Variants in CCBE1 observed in about 807,000 individuals in gnomAD.
CCBE1 encodes collagen and calcium-binding EGF domain-containing protein 1.
In CCBE1, 37 loss-of-function variants were observed where a neutral mutation model predicts 50.0. That is an observed-to-expected ratio of 0.74 (90% confidence interval 0.57 to 0.97). CCBE1 has a LOEUF of 0.97. CCBE1 is among the 50% of genes least tolerant of loss of function. The probability of loss-of-function intolerance (pLI) is 0.00; values close to 1 mark genes in which losing one functional copy is unlikely to be tolerated. For synonymous variants in CCBE1, 234 were observed against 203.7 expected (o/e 1.15, Z -1.27); for missense variants, 538 against 523.8 (o/e 1.03, Z -0.26).
chr18:59,481,174 A>G (rs1912553096), intron 2 of CCBE1, among the ~76,000 whole-genome samples: 1 of 152,242 alleles, frequency 6.6e-6, no homozygotes, highest in Admixed American at 6.5e-5. Context: ...GAACTGACAA[A>G]TAGATCTGAA....
intron 2 of CCBE1, among the ~76,000 whole-genome samples, chr18:59,687,193 G>C (rs558442649): frequency 1.4e-4 from 21 of 152,214 alleles, no homozygotes; most frequent in Admixed American, 1.4e-3. Flanking sequence ...CCACAGTGTG[G>C]TCTGTGCTGG....
At chr18:59,555,755 A>G (rs936419224) in intron 2 of CCBE1, among the ~76,000 whole-genome samples, 2 of 152,166 alleles carry the variant, frequency 1.3e-5, no homozygotes, top group African/African-American at 2.4e-5. Flanking sequence ...AGAGGTTTAA[A>G]ATAAATGCTG....
chr18:59,434,711 T>C lies in CCBE1; in HGVS notation c.*1197A>G, dbSNP rs1910076202. 1 of 152,044 alleles carries C rather than the reference T, an allele frequency of 6.6e-6. No homozygotes were observed. The highest frequency in any genetic ancestry group is 1.9e-4 in the East Asian group (1 of 5,190). 9.4% of individuals were successfully genotyped at this position (152,044 alleles called of 1,614,324 possible). On this transcript the variant is annotated 3_prime_UTR_variant, in exon 11 of 11. Coordinates refer to ENST00000439986, the MANE Select transcript of CCBE1 (RefSeq NM_133459.4). Reference sequence around the variant, plus strand: ...AAAGAAAATTAAGAAAAAATGAGAATAGGAAGGAAGTTTTTGCAAACAAGG... The same window carrying C: ...AAAGAAAATTAAGAAAAAATGAGAACAGGAAGGAAGTTTTTGCAAACAAGG...
rs1396973961 is a variant in CCBE1 at position 59,493,147 on chromosome 18, G to A, written c.213-12909C>T. Among the ~76,000 whole-genome samples, 5 of 152,322 alleles carry A rather than the reference G, an allele frequency of 3.3e-5. No individual in the cohort carries two copies. In the East Asian group the frequency reaches 9.7e-4, roughly 29 times the overall value. On this transcript the variant is annotated intron_variant, in intron 2 of 10. Coordinates refer to ENST00000439986, the MANE Select transcript of CCBE1 (RefSeq NM_133459.4). ...AGAAATTAATGGGACAGTCTTAAAG[G>A]AGAGAGTTTCACTTGTAATGACTTT... is the stretch of plus-strand genomic sequence containing the variant.
chr18:59,534,411 T>C (rs1331342416), intron 2 of CCBE1, among the ~76,000 whole-genome samples: 2 of 152,222 alleles, frequency 1.3e-5, no homozygotes, highest in African/African-American at 4.8e-5. Context: ...GCATGAAGAA[T>C]ATAGAAGTCA....
At chr18:59,693,667 C>A (rs1340508182) in intron 2 of CCBE1, among the ~76,000 whole-genome samples, 2 of 152,082 alleles carry the variant, frequency 1.3e-5, no homozygotes, top group African/African-American at 4.8e-5. Flanking sequence ...ATCAAGTCTG[C>A]AAACTGAGAC....
At chr18:59,572,445 G>A (rs932778677) in intron 2 of CCBE1, among the ~76,000 whole-genome samples, 32 of 152,116 alleles carry the variant, frequency 2.1e-4, no homozygotes, top group Non-Finnish European at 4.3e-4. Flanking sequence ...TTAAAACCAT[G>A]TGAAATGGCA....
chr18:59,644,965 G>T (rs983236289), intron 2 of CCBE1, among the ~76,000 whole-genome samples: 1 of 152,104 alleles, frequency 6.6e-6, no homozygotes, highest in African/African-American at 2.4e-5. Flanking sequence ...CCATCAAAAC[G>T]CTACCCTTGG....
At chr18:59,645,821 G>A (rs1011373869) in intron 2 of CCBE1, among the ~76,000 whole-genome samples, 4 of 152,172 alleles carry the variant, frequency 2.6e-5, no homozygotes, top group African/African-American at 9.6e-5. Flanking sequence ...CACAAGATCA[G>A]GAGATCGAGA....
intron 2 of CCBE1, among the ~76,000 whole-genome samples, chr18:59,545,963 A>G (rs147611321): frequency 8.5e-4 from 129 of 152,296 alleles, no homozygotes; most frequent in African/African-American, 3.1e-3. Context: ...AAATGAACTA[A>G]TACAATCAAC....
intron 5 of CCBE1, among the ~76,000 whole-genome samples, chr18:59,461,446 CTCTA>C (rs1911470479): frequency 6.9e-6 from 1 of 145,332 alleles, no homozygotes; most frequent in African/African-American, 2.9e-5. Context: ...AATTGCTTCC[CTCTA>C]CCCTTCTCTC....
At chr18:59,527,870 C>T (rs4940889) in intron 2 of CCBE1, among the ~76,000 whole-genome samples, 41,978 of 151,868 alleles carry the variant, frequency 0.28, 5,955 homozygotes, top group African/African-American at 0.33. Flanking sequence ...ATGGGCTTCT[C>T]CTGTAGGTGA....
intron 2 of CCBE1, among the ~76,000 whole-genome samples, chr18:59,615,364 C>T (rs772283657): frequency 1.1e-4 from 16 of 152,180 alleles, no homozygotes; most frequent in Non-Finnish European, 1.8e-4. Context: ...CATGCTCATT[C>T]GCGCTGCGTA....
chr18:59,686,592 A>G (rs1193239117), intron 2 of CCBE1, among the ~76,000 whole-genome samples: 1 of 152,196 alleles, frequency 6.6e-6, no homozygotes, highest in South Asian at 2.1e-4. Context: ...TTGTATATCC[A>G]TCTTTGGTTC....
chr18:59,600,499 G>A (rs748245445), intron 2 of CCBE1, among the ~76,000 whole-genome samples: 15 of 152,124 alleles, frequency 9.9e-5, no homozygotes, highest in Non-Finnish European at 1.9e-4. Context: ...CTGGTCTGTG[G>A]AAAAATTGTC....
rs80083442 is a variant in CCBE1, at chr18:59,507,188, G to T, written c.213-26950C>A. Among the ~76,000 whole-genome samples the T allele has an allele frequency of 4.3e-4, 65 of 152,250 alleles. No individual in the cohort carries two copies. The East Asian group carries it at 0.01, about 23-fold the overall frequency. On this transcript the variant is annotated intron_variant, in intron 2 of 10. Transcript: ENST00000439986. ...TCTTTCCAAAACCAACATCCTCCTT[G>T]CAATTGCTCATCTCATTCCCCTAAA...
chr18:59,500,792 T>C (rs1282565132), intron 2 of CCBE1, among the ~76,000 whole-genome samples: 2 of 152,208 alleles, frequency 1.3e-5, no homozygotes, highest in African/African-American at 4.8e-5. Flanking sequence ...ACTCAGGACC[T>C]GCTGCCCTTC....
At chr18:59,675,613 C>T (rs1002827036) in intron 2 of CCBE1, among the ~76,000 whole-genome samples, 3 of 151,830 alleles carry the variant, frequency 2.0e-5, no homozygotes, top group Admixed American at 1.3e-4. Context: ...TGTGAACGTA[C>T]AAGCATTACT....
At chr18:59,578,782 A>C (rs1358343622) in intron 2 of CCBE1, among the ~76,000 whole-genome samples, 1 of 152,180 alleles carries the variant, frequency 6.6e-6, no homozygotes, top group Non-Finnish European at 1.5e-5. Context: ...GGAGTATCAC[A>C]CACCAGGGCC....
Sources: allele counts gnomAD v4.1 joint callset (sites outside exome capture counted in the v4.1 genomes callset), GRCh38; gene constraint gnomAD v4.1.1; transcripts MANE v1.5; gene names NCBI Gene and HGNC (gene_info 2026-07-23, HGNC 2026-07-21).